The following FHIT variants were observed in gnomAD, a reference collection of about 807,000 sequenced individuals.
FHIT encodes bis(5'-adenosyl)-triphosphatase.
Under a neutral mutation model 17.9 loss-of-function variants are expected in FHIT, and 19 were observed. That is an observed-to-expected ratio of 1.06 (90% CI 0.74 to 1.56). FHIT has a LOEUF of 1.56. Among genes scored for constraint, FHIT ranks in the 40% most tolerant of loss-of-function variants. The pLI is 0.00. For synonymous variants in FHIT, 81 were observed against 69.7 expected (o/e 1.16, Z -0.81); for missense variants, 248 against 189.2 (o/e 1.31, Z -1.82).
chr3:60,025,231 T>C (rs1700697399), intron 5 of FHIT, among the ~76,000 whole-genome samples: 1 of 152,194 alleles, frequency 6.6e-6, no homozygotes, highest in Non-Finnish European at 1.5e-5. Context: ...CTAACCTGGG[T>C]CTACAGATAG....
intron 3 of FHIT, among the ~76,000 whole-genome samples, chr3:60,866,954 T>A (rs553005980): frequency 6.6e-6 from 1 of 152,258 alleles, no homozygotes; most frequent in South Asian, 2.1e-4. Context: ...GAGTCCCTTC[T>A]CTTCAGTTTG....
chr3:60,259,248 A>G (rs1467080398), intron 5 of FHIT, among the ~76,000 whole-genome samples: 1 of 152,120 alleles, frequency 6.6e-6, no homozygotes, highest in East Asian at 1.9e-4. Context: ...TCTGAAAACT[A>G]AAACTACTGG....
intron 4 of FHIT, among the ~76,000 whole-genome samples, chr3:60,757,653 T>C (rs1699489473): frequency 6.6e-6 from 1 of 152,098 alleles, no homozygotes; most frequent in Admixed American, 6.5e-5. Flanking sequence ...TGGACATGTG[T>C]AGTATAAGCT....
chr3:60,335,841 A>C (rs963685), intron 5 of FHIT, among the ~76,000 whole-genome samples: 79,610 of 151,934 alleles, frequency 0.52, 21,901 homozygotes, highest in South Asian at 0.74. Context: ...AGTGCTGGTA[A>C]AGAACTTAAA....
intron 8 of FHIT, among the ~76,000 whole-genome samples, chr3:59,916,141 A>G (rs1407928151): frequency 1.3e-5 from 2 of 152,154 alleles, no homozygotes; most frequent in Non-Finnish European, 2.9e-5. Context: ...GCACCATCTA[A>G]TCAGCCGTCA....
chr3:59,855,301 T>C (rs1256643886), intron 8 of FHIT, among the ~76,000 whole-genome samples: 1 of 152,216 alleles, frequency 6.6e-6, no homozygotes. Flanking sequence ...CCCCCATCTA[T>C]CCATGTTGTC....
At chr3:60,722,665 T>C (rs996352889) in intron 4 of FHIT, among the ~76,000 whole-genome samples, 2 of 151,768 alleles carry the variant, frequency 1.3e-5, no homozygotes, top group Admixed American at 1.3e-4. Flanking sequence ...GTATGTCCTC[T>C]TGGGGGAAAA....
intron 8 of FHIT, among the ~76,000 whole-genome samples, chr3:59,910,009 T>C (rs1382909545): frequency 6.6e-6 from 1 of 152,214 alleles, no homozygotes; most frequent in Non-Finnish European, 1.5e-5. Flanking sequence ...CATTCAATAT[T>C]ATATCCCAAT....
chr3:60,707,831 A>G (rs913980887), intron 4 of FHIT, among the ~76,000 whole-genome samples: 1 of 152,228 alleles, frequency 6.6e-6, no homozygotes, highest in African/African-American at 2.4e-5. Flanking sequence ...CTTTCTGGAA[A>G]ACAGTCCAGC....
chr3:60,119,765 T>A (rs1410516565), intron 5 of FHIT, among the ~76,000 whole-genome samples: 2 of 152,100 alleles, frequency 1.3e-5, no homozygotes, highest in Admixed American at 1.3e-4. Flanking sequence ...CCCTTCCCAG[T>A]TTTAAAACTT....
rs539106694 is a variant in FHIT, at chr3:61,041,634, C to G, written c.-111+413G>C. ...TTCCTCCTTACGAAGATAGAAATGC[C>G]CATCTATAATTTATAGACAGGTATG... On this transcript the variant is annotated intron_variant, in intron 3 of 9. Transcript: ENST00000492590. Among the ~76,000 whole-genome samples the G allele has an allele frequency of 5.9e-4, 90 of 151,626 alleles. 1 individual carries two copies. The highest frequency in any genetic ancestry group is 1.6e-3 in the Admixed American group (25 of 15,202).
chr3:59,922,433 GAAAA>G lies in FHIT; in HGVS notation c.280-23_280-20del. The G allele has an allele frequency of 6.3e-7, 1 of 1,593,912 alleles. No individual in the cohort carries two copies. Among genetic ancestry groups the G allele is most frequent in the Non-Finnish European group, 8.6e-7 (1 of 1,166,958 alleles). On this transcript the variant is annotated intron_variant, in intron 7 of 9. Transcript: ENST00000492590. ...GAACGTGCTGAAAATGTACAAGAAA[GAAAA>G]AAAATGTGATTATCTCCCCATGTAT... is the stretch of plus-strand genomic sequence containing the variant.
At position 61,166,578 on chromosome 3, in the gene FHIT, T is replaced by G. The variant is rs140523698; in HGVS notation, c.-164+34039A>C. Among the ~76,000 whole-genome samples the G allele has an allele frequency of 6.3e-4, 96 of 152,360 alleles. No individual in the cohort carries two copies. The East Asian group carries it at 0.017, about 27-fold the overall frequency. ...ATTAGCAATAATTGGTCCCTTCTGCTGTATGTTTGTTTGATTTTTAATACA... is the reference window on the plus strand; with the variant it reads ...ATTAGCAATAATTGGTCCCTTCTGCGGTATGTTTGTTTGATTTTTAATACA... On this transcript the variant is annotated intron_variant, in intron 2 of 9. Coordinates refer to ENST00000492590, the MANE Select transcript of FHIT (RefSeq NM_002012.4).
At chr3:60,638,951 C>A (rs570159798) in intron 4 of FHIT, among the ~76,000 whole-genome samples, 1 of 149,122 alleles carries the variant, frequency 6.7e-6, no homozygotes, top group African/African-American at 2.5e-5. Flanking sequence ...GAATGAATAA[C>A]TTCATACATC....
chr3:60,527,733 T>G (rs1436128565), intron 5 of FHIT, among the ~76,000 whole-genome samples: 1 of 152,114 alleles, frequency 6.6e-6, no homozygotes, highest in Admixed American at 6.5e-5. Flanking sequence ...TTTAGGAAAA[T>G]ACAACACTAG....
chr3:60,521,644 G>A (rs2035372585), intron 5 of FHIT, among the ~76,000 whole-genome samples: 2 of 152,154 alleles, frequency 1.3e-5, no homozygotes, highest in African/African-American at 4.8e-5. Context: ...CAAGAGCCCA[G>A]GAGGCAGGCA....
intron 4 of FHIT, among the ~76,000 whole-genome samples, chr3:60,721,182 G>A (rs1242853110): frequency 6.6e-6 from 1 of 152,126 alleles, no homozygotes; most frequent in Non-Finnish European, 1.5e-5. Flanking sequence ...GGTGAGCCGG[G>A]AAGCATTTGC....
At chr3:60,541,345 G>A (rs1257062167) in intron 4 of FHIT, among the ~76,000 whole-genome samples, 2 of 152,124 alleles carry the variant, frequency 1.3e-5, no homozygotes, top group African/African-American at 2.4e-5. Flanking sequence ...GAATAAAGAT[G>A]GCAAATCACA....
intron 5 of FHIT, among the ~76,000 whole-genome samples, chr3:60,328,096 A>T (rs1474802165): frequency 6.6e-6 from 1 of 152,192 alleles, no homozygotes; most frequent in Non-Finnish European, 1.5e-5. Context: ...TCTGATTTTC[A>T]GCCTAGCCAC....
Sources: gnomAD v4.1 joint callset for allele counts (sites outside exome capture counted in the v4.1 genomes callset) on GRCh38, gnomAD v4.1.1 for gene constraint, MANE v1.5 for transcripts, NCBI Gene and HGNC (gene_info 2026-07-23, HGNC 2026-07-21) for gene names.